ZNF236: variants seen among roughly 807,000 people sequenced by gnomAD.
ZNF236 encodes the protein regulated by glucose.
ZNF236 carries 50 observed loss-of-function variants against 191.2 expected under a neutral mutation model. The observed-to-expected ratio is 0.26, with a 90% CI of 0.21 to 0.33. The LOEUF (loss-of-function observed/expected upper bound fraction) is 0.33. ZNF236 is among the 10% of genes least tolerant of loss of function. The pLI is 1.00. For synonymous variants in ZNF236, 907 were observed against 928.8 expected, an observed-to-expected ratio of 0.98 and a Z score of 0.43; for missense variants, 1,754 against 2,374.5, an observed-to-expected ratio of 0.74 and a Z score of 5.43.
At chr18:76,879,247 A>G (rs531325501) in intron 7 of ZNF236, among the ~76,000 whole-genome samples, 1 of 152,360 alleles carries the variant, frequency 6.6e-6, no homozygotes, top group Non-Finnish European at 1.5e-5. Flanking sequence ...ATAGGGATTT[A>G]GAAACCTGGA....
intron 30 of ZNF236, among the ~76,000 whole-genome samples, chr18:76,964,443 T>G (rs1253582374): frequency 6.6e-6 from 1 of 152,222 alleles, no homozygotes; most frequent in Non-Finnish European, 1.5e-5. Context: ...ATAATTTCAA[T>G]TTTCTTAAAT....
At chr18:76,952,384 T>G (rs1404436048) in intron 27 of ZNF236, among the ~76,000 whole-genome samples, 78 of 152,252 alleles carry the variant, frequency 5.1e-4, no homozygotes, top group Non-Finnish European at 1.9e-4. Context: ...AATGCTTTCT[T>G]GTCACAGATG....
At chr18:76,941,684 A>T (rs561762049) in intron 26 of ZNF236, among the ~76,000 whole-genome samples, 3 of 152,204 alleles carry the variant, frequency 2.0e-5, no homozygotes, top group Non-Finnish European at 4.4e-5. Flanking sequence ...ATCCAGATAC[A>T]TTAGTGTTTC....
In ZNF236 at chr18:76,927,166, A is replaced by G. The variant is rs1166233339; in HGVS notation, c.4157A>G (p.Asn1386Ser). The G allele has an allele frequency of 1.2e-6, 2 of 1,614,106 alleles. No homozygotes were observed. The highest frequency in any genetic ancestry group is 1.7e-6 in the Non-Finnish European group (2 of 1,179,950). The change falls in exon 23 of 31, where the codon AAT becomes AGT. Residue 1386 changes from asparagine (N) to serine (S), a missense_variant. Physicochemically the swap from Asn to Ser is conservative, Grantham distance 46. Coordinates refer to ENST00000320610, the MANE Select transcript of ZNF236 (RefSeq NM_001306089.2). This position sits in a 1 kb window ranked among gnomAD's most constrained non-coding sequence, Gnocchi z 5.4. ...QISGIDAASI[N>S]NITLQIDPSI... ...TCTGGAATCGATGCTGCCAGCATTAATAACATTACGTTGCAGGTATGACAC... is the reference window on the plus strand; with the variant it reads ...TCTGGAATCGATGCTGCCAGCATTAGTAACATTACGTTGCAGGTATGACAC...
rs531501144 is a variant in ZNF236 at position 76,905,356 on chromosome 18, C to G, written c.2238C>G (p.Pro746=). The change falls in exon 13 of 31, where the codon CCC becomes CCG. Residue 746 remains proline (P), a synonymous_variant. Transcript: ENST00000320610. ...IHNDLRPYMC[P]YCQKTFKTSL... ...ACGACCTTCGTCCCTATATGTGTCC[C>G]TATTGCCAAAAAACATTTAAGACTT... 7 of 1,613,986 alleles carry G rather than the reference C, an allele frequency of 4.3e-6. No individual in the cohort carries two copies. The South Asian group carries it at 6.6e-5, about 15-fold the overall frequency.
intron 19 of ZNF236, among the ~76,000 whole-genome samples, chr18:76,918,188 TA>T (rs1458618272): frequency 6.6e-6 from 1 of 152,190 alleles, no homozygotes; most frequent in East Asian, 1.9e-4. Context: ...TATTCTTTTT[TA>T]ATCAATTGGA....
chr18:76,961,252 C>G (rs558908519), intron 30 of ZNF236, among the ~76,000 whole-genome samples: 1 of 151,888 alleles, frequency 6.6e-6, no homozygotes, highest in Non-Finnish European at 1.5e-5. Context: ...TGAGAACATG[C>G]GATGTTTGGT....
rs113355629 is a variant in ZNF236 at position 76,871,045 on chromosome 18, G to A, written c.543-656G>A. ...TCTGAGGCCGCAATGGTGGCTAGAG[G>A]GTGGAGAGACATGTCCACATTTGGG... On this transcript the variant is annotated intron_variant, in intron 4 of 30. Coordinates refer to ENST00000320610, the MANE Select transcript of ZNF236 (RefSeq NM_001306089.2). 4.6e-5 allele frequency among the ~76,000 whole-genome samples: 7 copies of A among 152,274 alleles called. 2 individuals carry two copies. Among genetic ancestry groups the A allele is most frequent in the African/African-American group, 1.7e-4 (7 of 41,552 alleles).
At chr18:76,860,238 C>T (rs1976173875) in intron 3 of ZNF236, among the ~76,000 whole-genome samples, 1 of 152,102 alleles carries the variant, frequency 6.6e-6, no homozygotes, top group South Asian at 2.1e-4. Flanking sequence ...GATGTCTGTG[C>T]ATGCCACATG....
At chr18:76,944,113 A>T (rs1421757300) in intron 26 of ZNF236, among the ~76,000 whole-genome samples, 3 of 152,172 alleles carry the variant, frequency 2.0e-5, no homozygotes, top group African/African-American at 7.2e-5. Context: ...AGCAGGCCCA[A>T]GTTAATTCAG....
At chr18:76,852,405 G>A (rs1404261646) in intron 3 of ZNF236, among the ~76,000 whole-genome samples, 1 of 152,172 alleles carries the variant, frequency 6.6e-6, no homozygotes, top group African/African-American at 2.4e-5. Context: ...CCACTCCTGG[G>A]AGCTCCACAG....
chr18:76,934,619 C>G (rs1285441279), intron 25 of ZNF236, among the ~76,000 whole-genome samples: 2 of 152,184 alleles, frequency 1.3e-5, no homozygotes, highest in Non-Finnish European at 2.9e-5. Context: ...AGTATAATCA[C>G]TTATTTTATT....
intron 25 of ZNF236, among the ~76,000 whole-genome samples, chr18:76,930,417 C>T (rs962000595): frequency 6.6e-6 from 1 of 152,202 alleles, no homozygotes; most frequent in East Asian, 1.9e-4. Context: ...TTTTCCAAGG[C>T]ATTCAATTTG....
intron 3 of ZNF236, among the ~76,000 whole-genome samples, chr18:76,866,490 C>T (rs1477017331): frequency 6.6e-6 from 1 of 152,194 alleles, no homozygotes; most frequent in East Asian, 1.9e-4. Context: ...GGTGAACACA[C>T]GCTGCCATCC....
At position 76,912,339 on chromosome 18, in the gene ZNF236, C is replaced by T; in HGVS notation, c.2901C>T (p.Arg967=). Residue 967 remains arginine, a synonymous_variant, in exon 17 of 31, where the codon CGC becomes CGT. Transcript: ENST00000320610. ...AGGACAACGAGGACCAGAGCAGGCG[C>T]TCTTACAGGTAGTTGTCTGCACAGA... The part of the protein sequence containing the change: ...FLEDNEDQSR[R]SYRCDYCNKG... 6.2e-7 allele frequency: 1 copy of T among 1,613,720 alleles called. No individual in the cohort carries two copies. The highest frequency in any genetic ancestry group is 8.5e-7 in the Non-Finnish European group (1 of 1,179,782).
chr18:76,841,565 C>A (rs1489421652), intron 1 of ZNF236, among the ~76,000 whole-genome samples: 2 of 152,118 alleles, frequency 1.3e-5, no homozygotes, highest in Non-Finnish European at 2.9e-5. Flanking sequence ...TAATTGGGTA[C>A]TTTGGCTTGG....
chr18:76,894,942 C>T, intron 9 of ZNF236, 71 bp from the exon 10 acceptor site: 2 of 1,569,784 alleles, frequency 1.3e-6, no homozygotes, highest in Non-Finnish European at 8.6e-7. Flanking sequence ...CTGTGGGGAC[C>T]ACAGGGGGTC....
chr18:76,874,150 C>A (rs1599353681), intron 5 of ZNF236, among the ~76,000 whole-genome samples: 1 of 152,248 alleles, frequency 6.6e-6, no homozygotes, highest in Admixed American at 6.5e-5. Context: ...GCCACACTCT[C>A]ACTGTGCCTC....
intron 9 of ZNF236, among the ~76,000 whole-genome samples, chr18:76,889,142 T>A (rs1488934880): frequency 1.3e-5 from 2 of 152,232 alleles, no homozygotes; most frequent in Non-Finnish European, 1.5e-5. Flanking sequence ...TGGCTTTTGC[T>A]GCTGCTTTTA....
Sources: allele counts gnomAD v4.1 joint callset (sites outside exome capture counted in the v4.1 genomes callset), GRCh38; gene constraint gnomAD v4.1.1; non-coding constraint Gnocchi (gnomAD v3.1); transcripts MANE v1.5; gene names NCBI Gene and HGNC (gene_info 2026-07-23, HGNC 2026-07-21).